The following STAU1 variants were observed in gnomAD, a reference collection of about 807,000 sequenced individuals.
STAU1 encodes the protein staufen double-stranded RNA binding protein 1.
A neutral mutation model predicts 62.9 loss-of-function variants in STAU1; 13 were observed. The observed-to-expected ratio is 0.21, with a 90% CI of 0.13 to 0.33. The LOEUF (loss-of-function observed/expected upper bound fraction) is 0.33. Among genes scored for constraint, STAU1 ranks in the 10% least tolerant of loss-of-function variants. The probability of loss-of-function intolerance (pLI) is 1.00; values close to 1 mark genes in which losing one functional copy is unlikely to be tolerated. For synonymous variants in STAU1, 269 were observed against 265.1 expected (o/e 1.01, Z -0.14); for missense variants, 571 against 712.1 (o/e 0.80, Z 2.25).
rs575088408 is a variant in STAU1, at chr20:49,150,796, G to A, written c.510+786C>T. 4.0e-4 allele frequency among the ~76,000 whole-genome samples: 61 copies of A among 152,246 alleles called. 1 individual carries two copies. In the South Asian group the frequency reaches 0.012, roughly 31 times the overall value. On this transcript the variant is annotated intron_variant, in intron 5 of 13. Coordinates refer to ENST00000371856, the MANE Select transcript of STAU1 (RefSeq NM_017453.4). ...CCTAAGCCTTAAGAAACTGGCAGCTGCTTCCATTTCCCATCTTCTAGGATG... is the reference window on the plus strand; with the variant it reads ...CCTAAGCCTTAAGAAACTGGCAGCTACTTCCATTTCCCATCTTCTAGGATG...
Position 49,153,921 on chromosome 20 carries a change from A to AAAAACAC in STAU1, c.344+5_344+11dup. On this transcript the variant is annotated intron_variant, in intron 4 of 13. Coordinates refer to ENST00000371856, the MANE Select transcript of STAU1 (RefSeq NM_017453.4). ...CTGTATTTTACAAAAAAAAAAAAAA[A>AAAAACAC]AAAACACATACCTCGGGGGATAAGC... The AAAAACAC allele has an allele frequency of 6.4e-7, 1 of 1,560,072 alleles. No individual in the cohort carries two copies. Among genetic ancestry groups the AAAAACAC allele is most frequent in the Non-Finnish European group, 8.6e-7 (1 of 1,162,472 alleles).
the STAU1 span, among the ~76,000 whole-genome samples, chr20:49,204,452 C>T: frequency 6.6e-6 from 1 of 150,908 alleles, no homozygotes; most frequent in Non-Finnish European, 1.5e-5. Flanking sequence ...ATACAGTATT[C>T]CAACAAATGG....
chr20:49,145,351 G>C (rs1400888061), intron 5 of STAU1, among the ~76,000 whole-genome samples: 1 of 149,602 alleles, frequency 6.7e-6, no homozygotes, highest in Non-Finnish European at 1.5e-5. Context: ...TTGAAGCTGG[G>C]AGGCGGAGGT....
At chr20:49,126,578 AAAAAAAAAAC>A (rs2092622356) in intron 6 of STAU1, among the ~76,000 whole-genome samples, 1 of 90,516 alleles carries the variant, frequency 1.1e-5, no homozygotes, top group Non-Finnish European at 2.5e-5. Context: ...AAAAAGCAAA[AAAAAAAAAAC>A]AAAAAAAAAA....
Position 49,141,217 on chromosome 20 carries a change from C to T in STAU1, c.511-5286G>A, listed in dbSNP as rs141094413. Among the ~76,000 whole-genome samples, 4 of 152,238 alleles carry T rather than the reference C, an allele frequency of 2.6e-5. No homozygotes were observed. In the East Asian group the frequency reaches 7.7e-4, roughly 29 times the overall value. The stretch of plus-strand genomic sequence containing the variant: ...ACATACAGAAAAGTACAGATAATAA[C>T]ATAACAGGCAATTTCCTGGATTTAT... On this transcript the variant is annotated intron_variant, in intron 5 of 13. Coordinates refer to ENST00000371856, the MANE Select transcript of STAU1 (RefSeq NM_017453.4).
At chr20:49,183,521 G>C (rs1021044061) in intron 1 of STAU1, among the ~76,000 whole-genome samples, 1 of 152,180 alleles carries the variant, frequency 6.6e-6, no homozygotes, top group African/African-American at 2.4e-5. Flanking sequence ...CCCTTTTCAT[G>C]AAAGTTTCAT....
At chr20:49,163,419 CTTTTTTTTTTTTT>C (rs200864480) in intron 3 of STAU1, among the ~76,000 whole-genome samples, 1,992 of 82,750 alleles carry the variant, frequency 0.024, 52 homozygotes, top group Middle Eastern at 0.054. Flanking sequence ...GTGTTTAAAC[CTTTTTTTTTTTTT>C]TTTTTTTTTT....
chr20:49,165,693 G>A (rs751342013), intron 3 of STAU1, among the ~76,000 whole-genome samples: 3 of 152,192 alleles, frequency 2.0e-5, no homozygotes, highest in South Asian at 2.1e-4. Context: ...AATATCCAAG[G>A]TGGTATTTAC....
At chr20:49,181,902 G>C (rs1194542992) in intron 1 of STAU1, among the ~76,000 whole-genome samples, 1 of 151,432 alleles carries the variant, frequency 6.6e-6, no homozygotes, top group Non-Finnish European at 1.5e-5. Flanking sequence ...TTGTCTGGGA[G>C]ACATGACACA....
chr20:49,201,071 A>AAAAAAAAAGAAGAAG, the STAU1 span, among the ~76,000 whole-genome samples: 12 of 104,628 alleles, frequency 1.1e-4, no homozygotes, highest in African/African-American at 1.8e-4. Flanking sequence ...AAAAAAAAAA[A>AAAAAAAAAGAAGAAG]AAGAAGAAGA....
intron 1 of STAU1, among the ~76,000 whole-genome samples, chr20:49,175,228 G>A (rs2093644457): frequency 6.6e-6 from 1 of 152,006 alleles, no homozygotes; most frequent in African/African-American, 2.4e-5. Context: ...CTACTTGGGA[G>A]GCTGTGGCAC....
intron 6 of STAU1, among the ~76,000 whole-genome samples, chr20:49,129,553 T>C (rs2092707650): frequency 6.6e-6 from 1 of 151,514 alleles, no homozygotes; most frequent in Non-Finnish European, 1.5e-5. Context: ...GGAGAGGATG[T>C]AGAGCAACTA....
the STAU1 span, among the ~76,000 whole-genome samples, chr20:49,214,823 C>A: frequency 1.3e-5 from 2 of 152,192 alleles, no homozygotes; most frequent in Admixed American, 6.5e-5. Context: ...AAAGCTCCCA[C>A]CTCCTAATGC....
the STAU1 span, among the ~76,000 whole-genome samples, chr20:49,193,804 T>TA: frequency 3.2e-4 from 48 of 151,558 alleles, no homozygotes; most frequent in African/African-American, 1.1e-3. Context: ...ACGTCTCTAC[T>TA]AAAAAATCCA....
At chr20:49,142,665 A>G (rs1166718700) in intron 5 of STAU1, among the ~76,000 whole-genome samples, 3 of 152,184 alleles carry the variant, frequency 2.0e-5, no homozygotes, top group East Asian at 3.8e-4. Flanking sequence ...TATTTTTTAA[A>G]TAAGTCCCCA....
In STAU1 at chr20:49,124,107, C is replaced by T. The variant is rs1193868981; in HGVS notation, c.822+268G>A. Among the ~76,000 whole-genome samples, 5 of 152,218 alleles carry T rather than the reference C, an allele frequency of 3.3e-5. No individual in the cohort carries two copies. The East Asian group carries it at 7.7e-4, about 23-fold the overall frequency. ...CACAGACCGGCATGGCGTTCCTGCC[C>T]AATACCCCACTGTGATCGCCAGGGC... On this transcript the variant is annotated intron_variant, in intron 7 of 13. Transcript: ENST00000371856.
At chr20:49,187,776 C>G (rs1438785568) in intron 1 of STAU1, among the ~76,000 whole-genome samples, 1 of 33,688 alleles carries the variant, frequency 3.0e-5, no homozygotes, top group South Asian at 9.2e-4. Flanking sequence ...AGCAGGGACC[C>G]CCCCCCCCCC....
intron 3 of STAU1, among the ~76,000 whole-genome samples, chr20:49,165,524 C>A (rs961548641): frequency 2.6e-5 from 4 of 151,538 alleles, no homozygotes; most frequent in Non-Finnish European, 5.9e-5. Context: ...TTTGTAGAGG[C>A]AGGGTTTCAC....
At chr20:49,196,416 G>A in the STAU1 span, among the ~76,000 whole-genome samples, 3 of 141,634 alleles carry the variant, frequency 2.1e-5, no homozygotes, top group South Asian at 2.2e-4. Flanking sequence ...CAGCCTGGGC[G>A]ACAGCGAGAC....
Sources: gnomAD v4.1 joint callset for allele counts (sites outside exome capture counted in the v4.1 genomes callset) on GRCh38, gnomAD v4.1.1 for gene constraint, MANE v1.5 for transcripts, NCBI Gene and HGNC (gene_info 2026-07-23, HGNC 2026-07-21) for gene names.